Variants in RBFOX2 observed in about 807,000 individuals in gnomAD.
RBFOX2 encodes the protein RNA binding protein fox-1 homolog 2.
Under a neutral mutation model 49.1 loss-of-function variants are expected in RBFOX2, and 10 were observed. That is an observed-to-expected ratio of 0.20 (90% CI 0.13 to 0.35). The LOEUF (loss-of-function observed/expected upper bound fraction) is 0.35. Among genes scored for constraint, RBFOX2 ranks in the 10% least tolerant of loss-of-function variants. The probability of loss-of-function intolerance (pLI) is 1.00; values close to 1 mark genes in which losing one functional copy is unlikely to be tolerated. For synonymous variants in RBFOX2, 183 were observed against 187.4 expected, an observed-to-expected ratio of 0.98 and a Z score of 0.19; for missense variants, 323 against 486.9, an observed-to-expected ratio of 0.66 and a Z score of 3.17.
intron 1 of RBFOX2, among the ~76,000 whole-genome samples, chr22:35,927,811 C>A (rs577103812): frequency 6.6e-6 from 1 of 152,216 alleles, no homozygotes; most frequent in Admixed American, 6.5e-5. Flanking sequence ...AATAAACTTA[C>A]ACAGATTTCA....
intron 1 of RBFOX2, among the ~76,000 whole-genome samples, chr22:35,884,965 T>A (rs1384213584): frequency 6.6e-6 from 1 of 152,146 alleles, no homozygotes. Context: ...GAATTTGTTT[T>A]CTTATCTCTT....
chr22:35,977,722 C>CTATATATA (rs375088964), intron 1 of RBFOX2, among the ~76,000 whole-genome samples: 94 of 80,866 alleles, frequency 1.2e-3, no homozygotes, highest in East Asian at 2.2e-3. Context: ...CCTGAATGAA[C>CTATATATA]TATATATATA....
intron 1 of RBFOX2, among the ~76,000 whole-genome samples, chr22:35,862,149 C>A (rs1483425265): frequency 1.3e-5 from 2 of 152,010 alleles, no homozygotes; most frequent in Admixed American, 1.3e-4. Flanking sequence ...ATTGGGAGCA[C>A]TACAAAGGGG....
intron 1 of RBFOX2, chr22:35,821,797 T>C (rs757134421): frequency 5.8e-6 from 3 of 518,616 alleles, no homozygotes; most frequent in African/African-American, 3.9e-5. Flanking sequence ...ACACCTGATC[T>C]ACCCATAGGA....
intron 1 of RBFOX2, among the ~76,000 whole-genome samples, chr22:35,890,939 T>C (rs1043928626): frequency 8.5e-5 from 13 of 152,072 alleles, no homozygotes; most frequent in African/African-American, 3.1e-4. Flanking sequence ...TCATGGTTGC[T>C]TTCCTCACCT....
chr22:35,767,230 G>A (rs1183402417), intron 5 of RBFOX2, among the ~76,000 whole-genome samples: 1 of 152,120 alleles, frequency 6.6e-6, no homozygotes, highest in Non-Finnish European at 1.5e-5. Flanking sequence ...AGGGGGAAAG[G>A]AAAAGGAAGA....
chr22:35,846,389 A>C (rs2041217808), intron 1 of RBFOX2, among the ~76,000 whole-genome samples: 1 of 149,626 alleles, frequency 6.7e-6, no homozygotes, highest in Non-Finnish European at 1.5e-5. Context: ...CACCAAGGTC[A>C]ACTTCCCATG....
At chr22:35,824,314 A>G (rs1482596295) in intron 1 of RBFOX2, 1 of 152,206 alleles carries the variant, frequency 6.6e-6, no homozygotes, top group East Asian at 1.9e-4. Context: ...AACATCAAGT[A>G]TTTACCAGTT....
chr22:36,017,743 C>T (rs2059096291), intron 1 of RBFOX2, among the ~76,000 whole-genome samples: 1 of 152,116 alleles, frequency 6.6e-6, no homozygotes, highest in African/African-American at 2.4e-5. Context: ...GCTCTAATTG[C>T]CTCTCTCACT....
At chr22:36,026,255 C>CA (rs796104651) in intron 1 of RBFOX2, among the ~76,000 whole-genome samples, 2,897 of 83,458 alleles carry the variant, frequency 0.035, 34 homozygotes, top group Non-Finnish European at 0.044. Context: ...CCAGCCTGGG[C>CA]AAAAAAAAAA....
chr22:35,927,809 T>TA (rs1173490954), intron 1 of RBFOX2, among the ~76,000 whole-genome samples: 2 of 152,112 alleles, frequency 1.3e-5, no homozygotes, highest in Non-Finnish European at 2.9e-5. Context: ...TAAATAAACT[T>TA]ACACAGATTT....
chr22:35,922,908 C>T (rs1038052944), intron 1 of RBFOX2, among the ~76,000 whole-genome samples: 1 of 152,074 alleles, frequency 6.6e-6, no homozygotes, highest in African/African-American at 2.4e-5. Flanking sequence ...GAAAGTTTGC[C>T]CCCTCCTGTT....
intron 1 of RBFOX2, among the ~76,000 whole-genome samples, chr22:35,883,542 C>G (rs2046197151): frequency 6.6e-6 from 1 of 152,216 alleles, no homozygotes; most frequent in African/African-American, 2.4e-5. Context: ...TTTGCCGTGT[C>G]TCAATTTCAT....
At chr22:35,817,477 A>AAAAT (rs35010904) in intron 1 of RBFOX2, among the ~76,000 whole-genome samples, 2,599 of 149,494 alleles carry the variant, frequency 0.017, 33 homozygotes, top group Middle Eastern at 0.024. Context: ...ACTTTGTCTC[A>AAAAT]AAATAAATAA....
intron 1 of RBFOX2, among the ~76,000 whole-genome samples, chr22:36,015,083 C>G (rs1200016853): frequency 6.6e-6 from 1 of 152,168 alleles, no homozygotes; most frequent in Non-Finnish European, 1.5e-5. Context: ...TGGAGAGGCG[C>G]TAGCTAACAG....
intron 1 of RBFOX2, among the ~76,000 whole-genome samples, chr22:35,925,336 T>C (rs1338978814): frequency 6.6e-6 from 1 of 152,092 alleles, no homozygotes; most frequent in Admixed American, 6.5e-5. Context: ...CTGGGCAACA[T>C]AGCAAGACGC....
At chr22:35,838,633 G>A (rs907459338) in intron 1 of RBFOX2, among the ~76,000 whole-genome samples, 2 of 152,148 alleles carry the variant, frequency 1.3e-5, no homozygotes, top group African/African-American at 4.8e-5. Flanking sequence ...CTGCGCATTC[G>A]CTTCTTCCTC....
At chr22:35,760,091 C>G in intron 8 of RBFOX2, 71 bp from the exon 10 acceptor site, 1 of 1,569,188 alleles carries the variant, frequency 6.4e-7, no homozygotes, top group Non-Finnish European at 8.8e-7. Flanking sequence ...TCACAACTTG[C>G]TATGAACCAA....
intron 1 of RBFOX2, among the ~76,000 whole-genome samples, chr22:35,821,116 A>G: frequency 6.6e-6 from 1 of 152,176 alleles, no homozygotes; most frequent in South Asian, 2.1e-4. Flanking sequence ...ATATAAACTA[A>G]TTAGATTCTA....
Sources: allele counts gnomAD v4.1 joint callset (sites outside exome capture counted in the v4.1 genomes callset), GRCh38; gene constraint gnomAD v4.1.1; transcripts MANE v1.5; gene names NCBI Gene and HGNC (gene_info 2026-07-23, HGNC 2026-07-21).